The following ITGB1 variants were observed in gnomAD, a reference collection of about 807,000 sequenced individuals.
The protein encoded by ITGB1 is integrin beta-1.
In ITGB1, 24 loss-of-function variants were observed where a neutral mutation model predicts 86.5. The observed-to-expected ratio is 0.28, with a 90% CI of 0.20 to 0.39. The LOEUF (loss-of-function observed/expected upper bound fraction) is 0.39, where lower values mean the gene tolerates loss of function less well. ITGB1 is among the 10% of genes least tolerant of loss of function. The pLI is 1.00. For missense variants in ITGB1, 556 were observed against 946.9 expected (o/e 0.59, Z 5.42); for synonymous variants, 323 against 316.8 (o/e 1.02, Z -0.21).
chr10:32,913,027 G>A (rs113095657), intron 11 of ITGB1, among the ~76,000 whole-genome samples: 30 of 152,298 alleles, frequency 2.0e-4, no homozygotes, highest in Admixed American at 1.3e-3. Context: ...TGCAGCCTCC[G>A]CTGGTGATAC....
At chr10:32,942,933 A>G (rs2095022490) in intron 1 of ITGB1, among the ~76,000 whole-genome samples, 1 of 152,020 alleles carries the variant, frequency 6.6e-6, no homozygotes, top group South Asian at 2.1e-4. Flanking sequence ...GGAAGGGGCC[A>G]TGAGTCCAGG....
At chr10:32,939,324 A>T (rs1277656084) in intron 1 of ITGB1, among the ~76,000 whole-genome samples, 1 of 152,228 alleles carries the variant, frequency 6.6e-6, no homozygotes, top group Non-Finnish European at 1.5e-5. Context: ...ACAGTTGTCT[A>T]CACTGGTCTC....
At chr10:32,932,297 G>A (rs2094986010) in intron 3 of ITGB1, among the ~76,000 whole-genome samples, 1 of 152,036 alleles carries the variant, frequency 6.6e-6, no homozygotes, top group South Asian at 2.1e-4. Context: ...TTGAAATCTT[G>A]TATATCTTTG....
intron 1 of ITGB1, among the ~76,000 whole-genome samples, chr10:32,956,840 G>A (rs2095053317): frequency 6.6e-6 from 1 of 152,114 alleles, no homozygotes; most frequent in Non-Finnish European, 1.5e-5. Flanking sequence ...TAAAAGAAGG[G>A]CTGAAAAGGA....
intron 15 of ITGB1, among the ~76,000 whole-genome samples, chr10:32,904,799 A>T (rs552705637): frequency 8.5e-5 from 13 of 152,346 alleles, no homozygotes; most frequent in Admixed American, 7.8e-4. Context: ...AATTTTTACC[A>T]AACTTCTGCT....
At position 32,926,893 on chromosome 10, in the gene ITGB1, C is replaced by T. The variant is rs1032267454; in HGVS notation, c.548-784G>A. On this transcript the variant is annotated intron_variant, in intron 5 of 15. Coordinates refer to ENST00000302278, the MANE Select transcript of ITGB1 (RefSeq NM_002211.4). ...CTCAATCTGCCTGGATCTTGGACTT[C>T]TCACCTCCAGAGCTGTGAGAAATAA... is the stretch of plus-strand genomic sequence containing the variant. Among the ~76,000 whole-genome samples the T allele has an allele frequency of 8.5e-5, 13 of 152,064 alleles. No homozygotes were observed. In the East Asian group the frequency reaches 1.7e-3, roughly 20 times the overall value.
At chr10:32,942,345 T>G (rs1167825995) in intron 1 of ITGB1, among the ~76,000 whole-genome samples, 1 of 152,072 alleles carries the variant, frequency 6.6e-6, no homozygotes, top group Non-Finnish European at 1.5e-5. Flanking sequence ...TGCAGAAAAT[T>G]AGGAAGATGC....
chr10:32,919,920 A>G lies in ITGB1; in HGVS notation c.1434T>C (p.His478=), dbSNP rs1183848507. Residue 478 remains histidine, a synonymous_variant, in exon 11 of 16, where the codon CAT becomes CAC. Transcript: ENST00000302278. ...SEGIPESPKC[H]EGNGTFECGA... is the part of the protein sequence containing the mutation. The stretch of plus-strand genomic sequence containing the variant: ...CACACTCAAATGTCCCATTTCCTTC[A>G]TGACACTTGGGACTTTCAGGGATGC... The G allele has an allele frequency of 7.4e-6, 12 of 1,614,136 alleles. No homozygotes were observed. The highest frequency in any genetic ancestry group is 1.1e-5 in the South Asian group (1 of 91,078).
chr10:32,910,911 G>C (rs1411332115), intron 13 of ITGB1, among the ~76,000 whole-genome samples: 2 of 152,068 alleles, frequency 1.3e-5, no homozygotes, highest in Non-Finnish European at 2.9e-5. Flanking sequence ...GCTAATTTTT[G>C]TATTTTTAGT....
At chr10:32,908,252 G>A (rs1041050327) in intron 15 of ITGB1, 116 bp downstream of exon 15, 7 of 996,534 alleles carry the variant, frequency 7.0e-6, no homozygotes, top group East Asian at 4.8e-5. Context: ...AACTTTTGGG[G>A]GAATAAAATA....
chr10:32,943,162 G>A lies in ITGB1; in HGVS notation c.1-7604C>T, dbSNP rs2095022982. ...AAAGTGTTACTATAGACATCCAAGTGACAACTTAAATTTTCAATTACTTTA... is the reference window on the plus strand; with the variant it reads ...AAAGTGTTACTATAGACATCCAAGTAACAACTTAAATTTTCAATTACTTTA... On this transcript the variant is annotated intron_variant, in intron 1 of 15. Transcript: ENST00000302278. Among the ~76,000 whole-genome samples the A allele has an allele frequency of 2.0e-5, 3 of 152,140 alleles. No homozygotes were observed. The South Asian group carries it at 6.2e-4, about 31-fold the overall frequency.
At chr10:32,914,734 T>A (rs956799431) in intron 11 of ITGB1, among the ~76,000 whole-genome samples, 2 of 151,926 alleles carry the variant, frequency 1.3e-5, no homozygotes, top group Non-Finnish European at 2.9e-5. Context: ...TAACACCACA[T>A]TGTCAACATT....
At chr10:32,907,351 G>C (rs1166007497) in intron 15 of ITGB1, among the ~76,000 whole-genome samples, 1 of 152,074 alleles carries the variant, frequency 6.6e-6, no homozygotes, top group Admixed American at 6.6e-5. Flanking sequence ...ACTGAAGATT[G>C]GCATTGCTTT....
Position 32,910,357 on chromosome 10 carries a change from T to C in ITGB1, c.2030A>G (p.Asp677Gly). Residue 677 changes from aspartate to glycine, a missense_variant, in exon 14 of 16, where the codon GAC becomes GGC. Physicochemically the swap from Asp to Gly is moderately conservative, Grantham distance 94. This residue lies in a region of ITGB1 where 330 missense variants were observed against 531.5 expected (regional missense o/e 0.62). Transcript: ENST00000302278. Reference sequence around the variant, plus strand: ...AGGTTGGACCGGCTGGGGTAATTTGTCCCGACTTTCTACCTTGGTAATGTT... The same window carrying C: ...AGGTTGGACCGGCTGGGGTAATTTGCCCCGACTTTCTACCTTGGTAATGTT... ...YFNITKVESRDKLPQPVQPDP... is the reference protein window; with the variant it reads ...YFNITKVESRGKLPQPVQPDP... 1 of 1,599,494 alleles carries C rather than the reference T, an allele frequency of 6.3e-7. No individual in the cohort carries two copies.
chr10:32,936,853 A>G (rs994327089), intron 1 of ITGB1, among the ~76,000 whole-genome samples: 1 of 152,230 alleles, frequency 6.6e-6, no homozygotes, highest in Non-Finnish European at 1.5e-5. Context: ...GCAAATTTAT[A>G]CAAAAAAAGT....
intron 1 of ITGB1, among the ~76,000 whole-genome samples, chr10:32,952,987 T>G (rs561870675): frequency 6.6e-6 from 1 of 152,368 alleles, no homozygotes; most frequent in South Asian, 2.1e-4. Flanking sequence ...CTTCATTTTA[T>G]ATAGCCTTCA....
chr10:32,944,319 C>A (rs2095025984), intron 1 of ITGB1, among the ~76,000 whole-genome samples: 1 of 152,244 alleles, frequency 6.6e-6, no homozygotes, highest in Non-Finnish European at 1.5e-5. Flanking sequence ...GCTGGCTGGG[C>A]CTGGGCGGCA....
rs1387116417 is a variant in ITGB1 at position 32,912,143 on chromosome 10, A to T, written c.1470-19T>A. On this transcript the variant is annotated intron_variant, in intron 11 of 15. Coordinates refer to ENST00000302278, the MANE Select transcript of ITGB1 (RefSeq NM_002211.4). ...ATTGCACCTGAAGAAACATGCCAAA[A>T]TTGCAATCACACAAAACAAAAATAA... 1.3e-6 allele frequency: 2 copies of T among 1,597,330 alleles called. No individual in the cohort carries two copies. Among genetic ancestry groups the T allele is most frequent in the Admixed American group, 1.7e-5 (1 of 58,668 alleles).
chr10:32,942,235 G>C (rs1172107981), intron 1 of ITGB1, among the ~76,000 whole-genome samples: 1 of 152,188 alleles, frequency 6.6e-6, no homozygotes, highest in African/African-American at 2.4e-5. Context: ...TTCTTCTAAG[G>C]CAGAGCAGGA....
Sources: gnomAD v4.1 joint callset for allele counts (sites outside exome capture counted in the v4.1 genomes callset) on GRCh38, gnomAD v4.1.1 for gene constraint, gnomAD v4.1.1 regional missense constraint, MANE v1.5 for transcripts, NCBI Gene and HGNC (gene_info 2026-07-23, HGNC 2026-07-21) for gene names.